Variants in DIP2B observed in about 807,000 individuals in gnomAD.
The protein encoded by DIP2B is DIP2 acetate--CoA ligase B (putative).
In DIP2B, 76 loss-of-function variants were observed where a neutral mutation model predicts 198.0. The ratio of observed to expected loss-of-function variants is 0.38; its 90% CI spans 0.32 to 0.46. DIP2B has a LOEUF of 0.46. Ranked by LOEUF, DIP2B falls within the 20% of genes least tolerant of loss-of-function variation. The pLI is 0.99. For synonymous variants in DIP2B, 701 were observed against 739.1 expected, an observed-to-expected ratio of 0.95 and a Z score of 0.84; for missense variants, 1,559 against 1,978.4, an observed-to-expected ratio of 0.79 and a Z score of 4.02.
At chr12:50,705,216 C>A (rs1377134426) in intron 20 of DIP2B, among the ~76,000 whole-genome samples, 1 of 152,208 alleles carries the variant, frequency 6.6e-6, no homozygotes, top group East Asian at 1.9e-4. Context: ...ACCCTGTCTT[C>A]TTTTCCACTT....
chr12:50,514,304 A>G (rs995674054), intron 1 of DIP2B, among the ~76,000 whole-genome samples: 3 of 152,028 alleles, frequency 2.0e-5, no homozygotes, highest in African/African-American at 7.2e-5. Flanking sequence ...ACCTCAGGTG[A>G]TCCGCCCACC....
intron 1 of DIP2B, among the ~76,000 whole-genome samples, chr12:50,600,163 A>G (rs1204725328): frequency 6.6e-6 from 1 of 152,234 alleles, no homozygotes; most frequent in Non-Finnish European, 1.5e-5. Context: ...AGAATCATGT[A>G]TGTTTGAATT....
Position 50,505,016 on chromosome 12 carries a change from C to G in DIP2B, c.-125C>G, listed in dbSNP as rs972971213. The G allele has an allele frequency of 2.1e-5, 21 of 979,010 alleles. 1 individual carries two copies. The highest frequency in any genetic ancestry group is 3.1e-5 in the Non-Finnish European group (21 of 669,574). The allele number at this position is 979,010 out of a possible 1,614,324, so 60.6% of individuals were successfully genotyped here. A position where few individuals can be genotyped will look rare whatever the true frequency, so the allele number is the denominator to read the frequency against. ...CCTTTGCTCATGGCGGCGGCGGCGG[C>G]GGCGGCGGTGCTGGTGGTGCTCGGC... On this transcript the variant is annotated 5_prime_UTR_variant, in exon 1 of 38. Transcript: ENST00000301180.
intron 3 of DIP2B, among the ~76,000 whole-genome samples, chr12:50,645,961 G>A (rs1360054264): frequency 6.6e-6 from 1 of 151,926 alleles, no homozygotes; most frequent in Non-Finnish European, 1.5e-5. Flanking sequence ...GGGAAATGGT[G>A]GGTCTAGGGA....
At chr12:50,565,666 G>A (rs1349731637) in intron 1 of DIP2B, among the ~76,000 whole-genome samples, 7 of 151,998 alleles carry the variant, frequency 4.6e-5, no homozygotes, top group Non-Finnish European at 2.9e-5. Context: ...TTATTACTCT[G>A]CTTTGTGTTG....
At chr12:50,738,982 G>A (rs1423933353) in intron 35 of DIP2B, among the ~76,000 whole-genome samples, 1 of 152,104 alleles carries the variant, frequency 6.6e-6, no homozygotes, top group Non-Finnish European at 1.5e-5. Context: ...TTTCCCTGTG[G>A]GCTTCCACAG....
At chr12:50,530,244 T>G (rs1008970451) in intron 1 of DIP2B, among the ~76,000 whole-genome samples, 1 of 152,024 alleles carries the variant, frequency 6.6e-6, no homozygotes, top group African/African-American at 2.4e-5. Flanking sequence ...GCCTGGCTAA[T>G]TTTGTTTTTG....
chr12:50,617,779 A>G (rs1937727162), intron 1 of DIP2B, among the ~76,000 whole-genome samples: 2 of 152,198 alleles, frequency 1.3e-5, no homozygotes, highest in African/African-American at 4.8e-5. Flanking sequence ...ACTATACTCC[A>G]ACCTGGGCAA....
Position 50,718,779 on chromosome 12 carries a change from G to C in DIP2B, c.2922G>C (p.Arg974Ser). 1 of 1,614,210 alleles carries C rather than the reference G, an allele frequency of 6.2e-7. No homozygotes were observed. Among genetic ancestry groups the C allele is most frequent in the South Asian group, 1.1e-5 (1 of 91,084 alleles). ...AACGTATAGCACAAGCTGCTGGAAGGGATCTGGGACAAATAGAAGAGAATG... is the reference window on the plus strand; with the variant it reads ...AACGTATAGCACAAGCTGCTGGAAGCGATCTGGGACAAATAGAAGAGAATG... ...AGKRIAQAAG[R>S]DLGQIEENDL... The change falls in exon 24 of 38, where the codon AGG becomes AGC. Residue 974 changes from arginine (R) to serine (S), a missense_variant. Transcript: ENST00000301180.
chr12:50,673,612 C>G (rs1254491829), intron 5 of DIP2B, among the ~76,000 whole-genome samples: 11 of 152,032 alleles, frequency 7.2e-5, no homozygotes, highest in Non-Finnish European at 1.6e-4. Flanking sequence ...CATGGCAAGA[C>G]TCCATCTCTA....
intron 8 of DIP2B, 23 bp from the exon 9 acceptor site, chr12:50,680,649 G>GC: frequency 6.5e-7 from 1 of 1,548,738 alleles, no homozygotes; most frequent in Admixed American, 1.7e-5. Flanking sequence ...TATGACTGTT[G>GC]TTTTTTTTTC....
intron 35 of DIP2B, among the ~76,000 whole-genome samples, chr12:50,739,090 A>G (rs896046481): frequency 5.3e-5 from 8 of 152,202 alleles, no homozygotes; most frequent in Non-Finnish European, 1.2e-4. Flanking sequence ...TGTGGGTGAG[A>G]GCACGGCCTC....
At chr12:50,564,608 G>A (rs553417393) in intron 1 of DIP2B, among the ~76,000 whole-genome samples, 39 of 152,130 alleles carry the variant, frequency 2.6e-4, no homozygotes, top group Admixed American at 1.7e-3. Context: ...CCATATGAAC[G>A]CCCCCTCTGT....
At chr12:50,573,475 T>C (rs922948021) in intron 1 of DIP2B, among the ~76,000 whole-genome samples, 3 of 152,242 alleles carry the variant, frequency 2.0e-5, no homozygotes, top group Non-Finnish European at 4.4e-5. Context: ...TCAGTGTGTT[T>C]ATTACAACCC....
intron 3 of DIP2B, among the ~76,000 whole-genome samples, chr12:50,659,358 G>T (rs556968207): frequency 6.6e-6 from 1 of 152,170 alleles, no homozygotes; most frequent in Non-Finnish European, 1.5e-5. Context: ...TTACAGAGCG[G>T]TATGGAAGGA....
intron 10 of DIP2B, among the ~76,000 whole-genome samples, chr12:50,685,152 C>T (rs1246495390): frequency 6.6e-6 from 1 of 152,126 alleles, no homozygotes; most frequent in Non-Finnish European, 1.5e-5. Flanking sequence ...ATAACATCCC[C>T]TAATCTCTAG....
In DIP2B at chr12:50,724,661, T is replaced by A. The variant is rs569073769; in HGVS notation, c.3289-114T>A. ...CCTCGTCTGTCTCACATGTGTTCTTTGAAACTGTCCTGTCCAGTGTGGTAC... is the reference window on the plus strand; with the variant it reads ...CCTCGTCTGTCTCACATGTGTTCTTAGAAACTGTCCTGTCCAGTGTGGTAC... On this transcript the variant is annotated intron_variant, in intron 27 of 37. Coordinates refer to ENST00000301180, the MANE Select transcript of DIP2B (RefSeq NM_173602.3). The A allele has an allele frequency of 3.8e-4, 300 of 795,444 alleles. 3 individuals are homozygous for A. In the South Asian group the frequency reaches 4.5e-3, roughly 12 times the overall value. The allele number at this position is 795,444 out of a possible 1,614,324, so 49.3% of individuals were successfully genotyped here. A position where few individuals can be genotyped will look rare whatever the true frequency, so the allele number is the denominator to read the frequency against.
intron 1 of DIP2B, among the ~76,000 whole-genome samples, chr12:50,514,065 CTTTTTT>C (rs71083583): frequency 8.4e-6 from 1 of 118,810 alleles, no homozygotes; most frequent in Non-Finnish European, 1.8e-5. Context: ...ACTCAGTTGT[CTTTTTT>C]TTTTTTTTTT....
chr12:50,508,572 A>G (rs1277331491), intron 1 of DIP2B, among the ~76,000 whole-genome samples: 6 of 152,180 alleles, frequency 3.9e-5, no homozygotes, highest in Admixed American at 1.3e-4. Flanking sequence ...GTACTCAGAA[A>G]GATTGTTTTG....
Sources: gnomAD v4.1 joint callset for allele counts (sites outside exome capture counted in the v4.1 genomes callset) on GRCh38, gnomAD v4.1.1 for gene constraint, MANE v1.5 for transcripts, NCBI Gene and HGNC (gene_info 2026-07-23, HGNC 2026-07-21) for gene names.